The following SET variants were observed in gnomAD, a reference collection of about 807,000 sequenced individuals.
The protein encoded by SET is protein SET.
In SET, 4 loss-of-function variants were observed where a neutral mutation model predicts 39.0. That is an observed-to-expected ratio of 0.10 (90% CI 0.05 to 0.23). The LOEUF is 0.23. Among genes scored for constraint, SET ranks in the 10% least tolerant of loss-of-function variants. The pLI is 1.00. For missense variants in SET, 137 were observed against 329.7 expected, an observed-to-expected ratio of 0.42 and a Z score of 4.53; for synonymous variants, 114 against 115.9, an observed-to-expected ratio of 0.98 and a Z score of 0.11.
At chr9:128,689,952 C>A in intron 1 of SET, 4 of 443,252 alleles carry the variant, frequency 9.0e-6, no homozygotes, top group Non-Finnish European at 1.2e-5. Flanking sequence ...CCCCCTCCCT[C>A]CCTCCCGAGA....
At position 128,696,341 on chromosome 9, in the gene SET, CTG is replaced by C. The variant is rs1168684618; in HGVS notation, c.*1679_*1680del. On this transcript the variant is annotated 3_prime_UTR_variant, in exon 8 of 8. Coordinates refer to ENST00000322030, the MANE Select transcript of SET (RefSeq NM_003011.4). ...AGGTCTCTGTTTAGTAAATACATCA[CTG>C]TATACCGATCAGGAATCTTGCTCCA... 3 of 186,034 alleles carry C rather than the reference CTG, an allele frequency of 1.6e-5. No homozygotes were observed. Among genetic ancestry groups the C allele is most frequent in the African/African-American group, 7.0e-5 (3 of 42,904 alleles). 11.5% of individuals were successfully genotyped at this position (186,034 alleles called of 1,614,324 possible). A position where few individuals can be genotyped will look rare whatever the true frequency, so the allele number is the denominator to read the frequency against.
chr9:128,686,544 G>C (rs766137663), upstream of SET, among the ~76,000 whole-genome samples: 1 of 152,192 alleles, frequency 6.6e-6, no homozygotes, highest in African/African-American at 2.4e-5. Flanking sequence ...GGAGCGGGTC[G>C]TGAAATCAAT....
chr9:128,690,769 A>G lies in SET; in HGVS notation c.74-401A>G, dbSNP rs180889168. The G allele has an allele frequency of 3.7e-4, 76 of 206,488 alleles. No individual in the cohort carries two copies. The East Asian group carries it at 9.2e-3, about 25-fold the overall frequency. The allele number at this position is 206,488 out of a possible 1,614,324, so 12.8% of individuals were successfully genotyped here. A position where few individuals can be genotyped will look rare whatever the true frequency, so the allele number is the denominator to read the frequency against. On this transcript the variant is annotated intron_variant, in intron 1 of 7. Coordinates refer to ENST00000322030, the MANE Select transcript of SET (RefSeq NM_003011.4). The stretch of plus-strand genomic sequence containing the variant: ...AGGTGGTAGTGGTGGCCTAATTTGT[A>G]TCATTGTCATGGGTTTAGTTTCCAT...
intron 6 of SET, 23 bp from the exon 7 acceptor site, chr9:128,693,873 T>C (rs773722563): frequency 2.5e-6 from 4 of 1,603,914 alleles, no homozygotes; most frequent in East Asian, 4.5e-5. Context: ...TGAGTCCTTA[T>C]ATTGTGCTTT....
At chr9:128,683,462 G>A (rs1361391849), upstream of SET, 1 of 228,378 alleles carries the variant, frequency 4.4e-6, no homozygotes, top group African/African-American at 2.3e-5. Context: ...GCAACAGCAC[G>A]TGTTTAAATC....
chr9:128,692,470 A>G, intron 3 of SET, 192 bp from the exon 4 acceptor site: 1 of 395,200 alleles, frequency 2.5e-6, no homozygotes. Context: ...TATTCTGTTT[A>G]GGAGAAGCTA....
rs1489253107 is a variant in SET at position 128,689,251 on chromosome 9, G to A, written c.-332G>A. 7 of 1,003,170 alleles carry A rather than the reference G, an allele frequency of 7.0e-6. No individual in the cohort carries two copies. Among genetic ancestry groups the A allele is most frequent in the South Asian group, 9.2e-5 (2 of 21,640 alleles). The allele number at this position is 1,003,170 out of a possible 1,614,324, so 62.1% of individuals were successfully genotyped here. On this transcript the variant is annotated 5_prime_UTR_variant, in exon 1 of 8. Coordinates refer to ENST00000322030, the MANE Select transcript of SET (RefSeq NM_003011.4). ...CGCCGTAGGAGGAGGTGGAGGAGGA[G>A]GCGGCTCGGGAGAGCGAGCAGCGAG...
At chr9:128,689,109 G>A (rs1861393183), upstream of SET, 1 of 224,648 alleles carries the variant, frequency 4.5e-6, no homozygotes, top group Non-Finnish European at 7.4e-6. Flanking sequence ...TCTCCGCGCC[G>A]CGACTCCGCC....
chr9:128,686,552 A>G (rs1861290870), upstream of SET, among the ~76,000 whole-genome samples: 1 of 152,086 alleles, frequency 6.6e-6, no homozygotes, highest in Non-Finnish European at 1.5e-5. Flanking sequence ...TCGTGAAATC[A>G]ATTTGGTGGG....
chr9:128,690,922 G>C, intron 1 of SET: 1 of 548,334 alleles, frequency 1.8e-6, no homozygotes. Flanking sequence ...CTGTTGTAGT[G>C]AAACTCTTTA....
chr9:128,685,077 T>C (rs1003978798), upstream of SET: 12 of 1,534,854 alleles, frequency 7.8e-6, no homozygotes, highest in African/African-American at 1.1e-4. Context: ...CAGGCAACTC[T>C]TATGGAAGAA....
chr9:128,689,317 C>T lies in SET; in HGVS notation c.-266C>T. On this transcript the variant is annotated 5_prime_UTR_variant, in exon 1 of 8. Transcript: ENST00000322030. ...AGCGCGAGTGAGGGAGCCGAGCCGC[C>T]CGCCGCCGCCGCCTCCGCCTCCCCT... 1 of 1,010,578 alleles carries T rather than the reference C, an allele frequency of 9.9e-7. No homozygotes were observed. Among genetic ancestry groups the T allele is most frequent in the Non-Finnish European group, 1.2e-6 (1 of 842,278 alleles). The allele number at this position is 1,010,578 out of a possible 1,614,324, so 62.6% of individuals were successfully genotyped here. A position where few individuals can be genotyped will look rare whatever the true frequency, so the allele number is the denominator to read the frequency against.
At chr9:128,689,944 C>G (rs1176269208) in intron 1 of SET, 2 of 256,764 alleles carry the variant, frequency 7.8e-6, no homozygotes, top group South Asian at 1.2e-4. Context: ...GCTCTCCTCC[C>G]CCTCCCTCCC....
intron 2 of SET, among the ~76,000 whole-genome samples, chr9:128,691,654 A>C (rs1175342296): frequency 6.6e-6 from 1 of 152,224 alleles, no homozygotes; most frequent in South Asian, 2.1e-4. Flanking sequence ...GGCACTCTTA[A>C]CAGTCATTAT....
upstream of SET, among the ~76,000 whole-genome samples, chr9:128,687,160 C>A (rs113796302): frequency 0.021 from 3,166 of 151,994 alleles, 116 homozygotes; most frequent in African/African-American, 0.073. Flanking sequence ...GAGTTCGAGA[C>A]CAGCCTGGCC....
intron 5 of SET, among the ~76,000 whole-genome samples, chr9:128,693,401 CTG>C (rs1861615308): frequency 6.6e-6 from 1 of 152,148 alleles, no homozygotes; most frequent in African/African-American, 2.4e-5. Context: ...GATATTTATA[CTG>C]TGTTGTGCTA....
intron 1 of SET, chr9:128,690,806 C>T (rs1176198538): frequency 2.7e-5 from 6 of 225,478 alleles, no homozygotes; most frequent in Non-Finnish European, 5.4e-5. Context: ...TTCTAGTTAG[C>T]AGCTGCTACT....
chr9:128,690,968 C>T, intron 1 of SET: 1 of 634,288 alleles, frequency 1.6e-6, no homozygotes, highest in Non-Finnish European at 2.8e-6. Flanking sequence ...CTGAGTAAAC[C>T]AGCAGACAGC....
At position 128,694,863 on chromosome 9, in the gene SET, A is replaced by T. The variant is rs1357647288; in HGVS notation, c.*199A>T. On this transcript the variant is annotated 3_prime_UTR_variant, in exon 8 of 8. Coordinates refer to ENST00000322030, the MANE Select transcript of SET (RefSeq NM_003011.4). ...CTTGAGCAGAATACAATGGGAAAAG[A>T]GTCTCTACCCCTTTCTGTTCGAAGT... 6.7e-6 allele frequency: 3 copies of T among 446,572 alleles called. No homozygotes were observed. The highest frequency in any genetic ancestry group is 9.7e-5 in the South Asian group (2 of 20,704). 27.7% of individuals were successfully genotyped at this position (446,572 alleles called of 1,614,324 possible).
Sources: allele counts gnomAD v4.1 joint callset (sites outside exome capture counted in the v4.1 genomes callset), GRCh38; gene constraint gnomAD v4.1.1; transcripts MANE v1.5; gene names NCBI Gene and HGNC (gene_info 2026-07-23, HGNC 2026-07-21).